The following ERICH1 variants were observed in gnomAD, a reference collection of about 807,000 sequenced individuals.
ERICH1 encodes glutamate rich 1.
A neutral mutation model predicts 39.6 loss-of-function variants in ERICH1; 56 were observed. The ratio of observed to expected loss-of-function variants is 1.41; its 90% CI spans 1.14 to 1.77. The LOEUF (loss-of-function observed/expected upper bound fraction) is 1.77. ERICH1 is among the 40% of genes most tolerant of loss of function. The probability of loss-of-function intolerance (pLI) is 0.00; values close to 1 mark genes in which losing one functional copy is unlikely to be tolerated. For missense variants in ERICH1, 826 were observed against 575.4 expected (o/e 1.44, Z -4.45); for synonymous variants, 313 against 223.6 (o/e 1.40, Z -3.57).
chr8:688,211 C>T (rs1486765735), intron 3 of ERICH1, among the ~76,000 whole-genome samples: 1 of 146,632 alleles, frequency 6.8e-6, no homozygotes, highest in Non-Finnish European at 1.5e-5. Flanking sequence ...CCTGAGCCGC[C>T]CACGCAGGTT....
chr8:673,504 G>A lies in ERICH1; in HGVS notation c.848C>T (p.Thr283Ile), dbSNP rs917961369. 3 of 1,612,896 alleles carry A rather than the reference G, an allele frequency of 1.9e-6. No individual in the cohort carries two copies. The highest frequency in any genetic ancestry group is 1.7e-5 in the Admixed American group (1 of 59,692). Residue 283 changes from threonine to isoleucine, a missense_variant, in exon 4 of 6, where the codon ACA becomes ATA. Thr to Ile is a moderately conservative substitution (Grantham distance 89). Transcript: ENST00000262109. ...TTTACCGTCTTCCTCCCCGGCCCGT[G>A]TCAGGTCTTCCTCAATGGTGTCCAC... ...DGVDTIEEDLTRAGEEDGKDT... is the reference protein window; with the variant it reads ...DGVDTIEEDLIRAGEEDGKDT...
At position 664,342 on chromosome 8, in the gene ERICH1, C is replaced by A; in HGVS notation, c.*261G>T. 2.7e-6 allele frequency: 3 copies of A among 1,107,632 alleles called. No individual in the cohort carries two copies. Among genetic ancestry groups the A allele is most frequent in the Non-Finnish European group, 1.1e-6 (1 of 909,492 alleles). The allele number at this position is 1,107,632 out of a possible 1,614,324, so 68.6% of individuals were successfully genotyped here. A position where few individuals can be genotyped will look rare whatever the true frequency, so the allele number is the denominator to read the frequency against. On this transcript the variant is annotated 3_prime_UTR_variant, in exon 6 of 6. Transcript: ENST00000262109. ...ACAGAATGTCCATTTTCAATTTTTA[C>A]AATAAGTAGAGAAACAGAATCAAGT... is the stretch of plus-strand genomic sequence containing the variant.
chr8:728,841 C>T (rs1199633368), intron 1 of ERICH1, among the ~76,000 whole-genome samples: 1 of 152,194 alleles, frequency 6.6e-6, no homozygotes, highest in Non-Finnish European at 1.5e-5. Context: ...CTCATTAATC[C>T]TGCAGAGTTT....
intron 3 of ERICH1, among the ~76,000 whole-genome samples, chr8:680,920 A>C (rs538455710): frequency 1.9e-4 from 29 of 152,278 alleles, no homozygotes; most frequent in African/African-American, 6.0e-4. Context: ...AGAGGGGAGG[A>C]AGGGGCAGTC....
intron 3 of ERICH1, among the ~76,000 whole-genome samples, chr8:617,087 T>C (rs962964316): frequency 1.3e-5 from 2 of 152,052 alleles, no homozygotes; most frequent in African/African-American, 4.8e-5. Flanking sequence ...AGCCCACCCA[T>C]GACTGTATGA....
chr8:622,071 T>G (rs945886960), intron 3 of ERICH1, among the ~76,000 whole-genome samples: 20 of 151,808 alleles, frequency 1.3e-4, no homozygotes, highest in African/African-American at 4.4e-4. Flanking sequence ...ATGAAAAAAA[T>G]TAACCAAGCG....
At chr8:640,554 G>A (rs181129621) in intron 3 of ERICH1, 2 of 152,344 alleles carry the variant, frequency 1.3e-5, no homozygotes, top group East Asian at 3.9e-4. Flanking sequence ...TTTGTTTCTA[G>A]TGAGAATGTA....
downstream of ERICH1, among the ~76,000 whole-genome samples, chr8:661,908 C>T (rs958009369): frequency 5.9e-5 from 9 of 152,234 alleles, no homozygotes; most frequent in Non-Finnish European, 1.2e-4. Context: ...CAGGAAACGG[C>T]CACACGTGAC....
rs1244044142 is a variant in ERICH1, at chr8:647,597, G to C, written c.976+21001C>G. ...CTGGAGAGGCAGAAGATAGTACAGT[G>C]GGTCTGCTAGGAGGGGAAAACACAA... On this transcript the variant is annotated intron_variant, in intron 3 of 3. Transcript: ENST00000522706. Among the ~76,000 whole-genome samples, 3 of 67,718 alleles carry C rather than the reference G, an allele frequency of 4.4e-5. 1 individual carries two copies. The highest frequency in any genetic ancestry group is 1.2e-4 in the African/African-American group (3 of 26,010). 44.4% of individuals were successfully genotyped at this position (67,718 alleles called of 152,430 possible).
chr8:620,808 GAA>G (rs1797235057), intron 3 of ERICH1, among the ~76,000 whole-genome samples: 2 of 145,702 alleles, frequency 1.4e-5, no homozygotes, highest in African/African-American at 5.7e-5. Context: ...ATTGAAGGGA[GAA>G]GTAGACAATT....
At position 673,428 on chromosome 8, in the gene ERICH1, C is replaced by T; in HGVS notation, c.924G>A (p.Trp308Ter). Residue 308 changes from tryptophan to a stop codon, truncating the protein, a stop_gained, in exon 4 of 6, where the codon TGG becomes TGA. Coordinates refer to ENST00000262109, the MANE Select transcript of ERICH1 (RefSeq NM_207332.3). LOFTEE classifies it high-confidence loss of function. ...AGTCTGCACCCTCTTCCTCCCCAGC[C>T]CATGTCGGGTCTTCCTCGCTGGCGT... is the stretch of plus-strand genomic sequence containing the variant. ...GADASEEDPT[W>*]AGEEEGADSG... is the part of the protein sequence containing the mutation. 6.2e-7 allele frequency: 1 copy of T among 1,613,670 alleles called. No homozygotes were observed.
rs1258006531 is a variant in ERICH1, at chr8:641,572, C to T, written c.977-26288G>A. Among the ~76,000 whole-genome samples the T allele has an allele frequency of 2.6e-5, 4 of 152,334 alleles. No individual in the cohort carries two copies. The East Asian group carries it at 7.7e-4, about 29-fold the overall frequency. On this transcript the variant is annotated intron_variant, in intron 3 of 3. Transcript: ENST00000522706. ...CTCATTCCACATCGAAAGACCTTTT[C>T]ACACAGATTATTCAAATTATAGCTT...
chr8:709,654 C>T (rs76712716), intron 2 of ERICH1, among the ~76,000 whole-genome samples: 1 of 152,332 alleles, frequency 6.6e-6, no homozygotes, highest in East Asian at 1.9e-4. Context: ...TGTGAAAAGA[C>T]GTCACCCAAA....
chr8:712,009 C>G (rs1036702756), intron 2 of ERICH1, among the ~76,000 whole-genome samples: 2 of 152,160 alleles, frequency 1.3e-5, no homozygotes, highest in African/African-American at 4.8e-5. Flanking sequence ...TATGTGTCTA[C>G]TCTTTTGCCA....
intron 2 of ERICH1, among the ~76,000 whole-genome samples, chr8:705,666 T>C (rs1813104691): frequency 7.5e-6 from 1 of 133,314 alleles, no homozygotes; most frequent in African/African-American, 2.6e-5. Flanking sequence ...GTATTAGAAC[T>C]TCTAGCCAGG....
chr8:687,377 G>A (rs1045514952), intron 3 of ERICH1, among the ~76,000 whole-genome samples: 5 of 152,190 alleles, frequency 3.3e-5, no homozygotes, highest in Non-Finnish European at 5.9e-5. Context: ...TCCACCAGGC[G>A]CCAGGATAAG....
intron 3 of ERICH1, among the ~76,000 whole-genome samples, chr8:687,088 G>T (rs1807592761): frequency 6.6e-6 from 1 of 152,232 alleles, no homozygotes; most frequent in Admixed American, 6.5e-5. Context: ...AACTCAAACG[G>T]AATCCACATT....
intron 3 of ERICH1, among the ~76,000 whole-genome samples, chr8:633,219 T>A (rs917310056): frequency 6.6e-6 from 1 of 152,206 alleles, no homozygotes; most frequent in Non-Finnish European, 1.5e-5. Flanking sequence ...CTGGCGACTC[T>A]GTTCTGAGGT....
intron 2 of ERICH1, among the ~76,000 whole-genome samples, chr8:698,887 T>C (rs1296549565): frequency 1.4e-5 from 2 of 144,988 alleles, no homozygotes. Context: ...CATCCTATGG[T>C]TGTCTCTGTG....
Sources: gnomAD v4.1 joint callset for allele counts (sites outside exome capture counted in the v4.1 genomes callset) on GRCh38, gnomAD v4.1.1 for gene constraint, MANE v1.5 for transcripts, NCBI Gene and HGNC (gene_info 2026-07-23, HGNC 2026-07-21) for gene names.